The following FAM216B variants were observed in gnomAD, a reference collection of about 807,000 sequenced individuals.
FAM216B encodes the protein protein FAM216B.
FAM216B carries 11 observed loss-of-function variants against 12.9 expected under a neutral mutation model. The observed-to-expected ratio is 0.86, with a 90% CI of 0.54 to 1.42. The LOEUF (loss-of-function observed/expected upper bound fraction) is 1.42, where lower values mean the gene tolerates loss of function less well. Among genes scored for constraint, FAM216B ranks in the 40% most tolerant of loss-of-function variants. FAM216B has a pLI of 0.00. For missense variants in FAM216B, 167 were observed against 162.9 expected, an observed-to-expected ratio of 1.02 and a Z score of -0.14; for synonymous variants, 52 against 57.2, an observed-to-expected ratio of 0.91 and a Z score of 0.41.
rs769993048 is a variant in FAM216B, at chr13:42,784,107, G to A, written c.40G>A (p.Val14Ile). The change falls in exon 2 of 4, where the codon GTT (valine) becomes ATT (isoleucine). Residue 14 changes from valine to isoleucine, a missense_variant. By Grantham distance (29) the Val-to-Ile change is conservative. Coordinates refer to ENST00000313851, the MANE Select transcript of FAM216B (RefSeq NM_001318932.2). Reference protein sequence around the residue: ...NWKRQQKLWNVPQLPFIRVPP... With the variant: ...NWKRQQKLWNIPQLPFIRVPP... ...GAAAAGACAACAAAAGCTTTGGAATGTTCCACAACTTCCTTTTATTCGAGT... is the reference window on the plus strand; with the variant it reads ...GAAAAGACAACAAAAGCTTTGGAATATTCCACAACTTCCTTTTATTCGAGT... 7.0e-6 allele frequency: 11 copies of A among 1,574,392 alleles called. No homozygotes were observed. The highest frequency in any genetic ancestry group is 3.5e-5 in the Admixed American group (2 of 57,948).
At chr13:42,784,691 G>T (rs1021273221) in intron 2 of FAM216B, among the ~76,000 whole-genome samples, 3 of 141,846 alleles carry the variant, frequency 2.1e-5, no homozygotes, top group Admixed American at 7.1e-5. Context: ...AAAATTAGCC[G>T]GGCGTCGTGG....
intron 2 of FAM216B, among the ~76,000 whole-genome samples, chr13:42,785,157 C>T (rs1195808204): frequency 2.0e-5 from 3 of 152,142 alleles, no homozygotes; most frequent in African/African-American, 7.2e-5. Flanking sequence ...GAGTGGAATT[C>T]ATTCTCTTCA....
At chr13:42,782,084 T>C (rs967268860) in intron 1 of FAM216B, among the ~76,000 whole-genome samples, 1 of 152,216 alleles carries the variant, frequency 6.6e-6, no homozygotes, top group Non-Finnish European at 1.5e-5. Context: ...ATTTACAGTT[T>C]AATTTAGACA....
At chr13:42,782,179 T>C (rs1873880829) in intron 1 of FAM216B, among the ~76,000 whole-genome samples, 2 of 152,256 alleles carry the variant, frequency 1.3e-5, no homozygotes, top group African/African-American at 4.8e-5. Flanking sequence ...GAACCTTCGA[T>C]GTGTGAACTC....
chr13:42,786,871 C>A lies in FAM216B; in HGVS notation c.208C>A (p.Gln70Lys). 1.2e-6 allele frequency: 2 copies of A among 1,613,892 alleles called. No individual in the cohort carries two copies. The highest frequency in any genetic ancestry group is 8.5e-7 in the Non-Finnish European group (1 of 1,179,848). Residue 70 changes from glutamine (Q) to lysine (K), a missense_variant, in exon 3 of 4, where the codon CAA (glutamine) becomes AAA (lysine). Transcript: ENST00000313851. ...QTRYIHSLQH[Q>K]QLLGYITQRE... ...CCGCTACATTCACAGCCTTCAGCAC[C>A]AACAGCTGCTTGGTAAGTTTAACTA...
intron 2 of FAM216B, among the ~76,000 whole-genome samples, chr13:42,784,856 T>TAAA (rs1874023582): frequency 2.0e-5 from 3 of 146,892 alleles, no homozygotes; most frequent in Non-Finnish European, 3.0e-5. Flanking sequence ...AATAAATAAA[T>TAAA]TAAAAATAAA....
rs1325180152 is a variant in FAM216B, at chr13:42,786,793, T to G, written c.130T>G (p.Tyr44Asp). The G allele has an allele frequency of 6.2e-7, 1 of 1,614,078 alleles. No homozygotes were observed. The highest frequency in any genetic ancestry group is 8.5e-7 in the Non-Finnish European group (1 of 1,179,954). Residue 44 changes from tyrosine to aspartate, a missense_variant, in exon 3 of 4, where the codon TAC becomes GAC. Physicochemically the swap from Tyr to Asp is radical, Grantham distance 160. Coordinates refer to ENST00000313851, the MANE Select transcript of FAM216B (RefSeq NM_001318932.2). ...CAACCAAGGGCAACAGCGCTACTTT[T>G]ACAGCATTATGAGGATTTACAACTC... ...ALNQGQQRYF[Y>D]SIMRIYNSRP...
chr13:42,787,017 G>T, intron 3 of FAM216B, 134 bp downstream of exon 3: 20 of 1,339,922 alleles, frequency 1.5e-5, no homozygotes, highest in Non-Finnish European at 2.0e-5. Flanking sequence ...TAGCTGGTTA[G>T]CCAAGTTTCA....
chr13:42,786,313 T>A (rs1433163091), intron 2 of FAM216B, among the ~76,000 whole-genome samples: 2 of 150,460 alleles, frequency 1.3e-5, no homozygotes, highest in East Asian at 3.9e-4. Context: ...TCATGGCACC[T>A]TTTTACTAAT....
At position 42,790,566 on chromosome 13, in the gene FAM216B, G is replaced by A. The variant is rs577548020; in HGVS notation, c.*1776G>A. 1.3e-5 allele frequency: 2 copies of A among 152,200 alleles called. No homozygotes were observed. Among genetic ancestry groups the A allele is most frequent in the African/African-American group, 4.8e-5 (2 of 41,534 alleles). 9.4% of individuals were successfully genotyped at this position (152,200 alleles called of 1,614,324 possible). ...ATTTGTTGGTTCTCCCTTCTAAGATGATAATATGCCCCTGCACTTGAGACC... is the reference window on the plus strand; with the variant it reads ...ATTTGTTGGTTCTCCCTTCTAAGATAATAATATGCCCCTGCACTTGAGACC... On this transcript the variant is annotated 3_prime_UTR_variant, in exon 4 of 4. Transcript: ENST00000313851.
At chr13:42,784,289 A>T (rs1417306052) in intron 2 of FAM216B, 123 bp downstream of exon 2, 2 of 673,612 alleles carry the variant, frequency 3.0e-6, no homozygotes, top group Non-Finnish European at 2.4e-6. Flanking sequence ...TTGGCCGCAT[A>T]ATAAGCCCTT....
Position 42,783,682 on chromosome 13 carries a change from T to A in FAM216B, c.-14-372T>A, listed in dbSNP as rs937289582. Among the ~76,000 whole-genome samples, 3 of 152,216 alleles carry A rather than the reference T, an allele frequency of 2.0e-5. No homozygotes were observed. In the East Asian group the frequency reaches 5.8e-4, roughly 29 times the overall value. On this transcript the variant is annotated intron_variant, in intron 1 of 3. Transcript: ENST00000313851. ...TTTTTCCAAATCTTCCAAAACAATA[T>A]ATATTACTTTTAGAATCAGATATGA... is the stretch of plus-strand genomic sequence containing the variant.
intron 2 of FAM216B, among the ~76,000 whole-genome samples, chr13:42,785,137 A>G (rs1057210118): frequency 6.6e-6 from 1 of 152,210 alleles, no homozygotes; most frequent in African/African-American, 2.4e-5. Context: ...AGGCAAAATT[A>G]GTTATTCAGG....
rs1317832150 is a variant in FAM216B at position 42,790,979 on chromosome 13, C to A, written c.*2189C>A. On this transcript the variant is annotated 3_prime_UTR_variant, in exon 4 of 4. Transcript: ENST00000313851. Reference sequence around the variant, plus strand: ...ACCCACAATTGTTGATGAGGAGTAGCAGTAGAATATCAAGGACAGGTGATG... The same window carrying A: ...ACCCACAATTGTTGATGAGGAGTAGAAGTAGAATATCAAGGACAGGTGATG... 1 of 152,104 alleles carries A rather than the reference C, an allele frequency of 6.6e-6. No homozygotes were observed. The highest frequency in any genetic ancestry group is 1.9e-4 in the East Asian group (1 of 5,192). 9.4% of individuals were successfully genotyped at this position (152,104 alleles called of 1,614,324 possible).
intron 3 of FAM216B, among the ~76,000 whole-genome samples, chr13:42,787,196 C>T (rs1010247927): frequency 6.6e-6 from 1 of 152,230 alleles, no homozygotes; most frequent in Non-Finnish European, 1.5e-5. Context: ...GCTCAAAGCA[C>T]AGCTCAGCTC....
chr13:42,783,061 G>C (rs1201835144), intron 1 of FAM216B, among the ~76,000 whole-genome samples: 2 of 152,154 alleles, frequency 1.3e-5, no homozygotes, highest in South Asian at 4.1e-4. Flanking sequence ...TGTAATCCCA[G>C]CACTTTGGGA....
rs768288038 is a variant in FAM216B, at chr13:42,788,597, T to G, written c.227T>G (p.Ile76Ser). The G allele has an allele frequency of 7.4e-6, 12 of 1,611,790 alleles. No individual in the cohort carries two copies. Among genetic ancestry groups the G allele is most frequent in the Non-Finnish European group, 9.3e-6 (11 of 1,179,002 alleles). ...SLQHQQLLGY[I>S]TQREALSYAL... ...TCTCATTTCTTTCCCCTAGGCTATA[T>G]TACTCAACGGGAAGCCTTGTCTTAT... The change falls in exon 4 of 4, where the codon ATT becomes AGT. Residue 76 changes from isoleucine (I) to serine (S), a missense_variant. Coordinates refer to ENST00000313851, the MANE Select transcript of FAM216B (RefSeq NM_001318932.2).
Position 42,788,798 on chromosome 13 carries a change from C to T in FAM216B, c.*8C>T. ...CAAGTGCTCAGGAACTGAGACTTGG[C>T]AGCATTTTCAGAAACAGGAAGTTTG... is the stretch of plus-strand genomic sequence containing the variant. On this transcript the variant is annotated 3_prime_UTR_variant, in exon 4 of 4. Coordinates refer to ENST00000313851, the MANE Select transcript of FAM216B (RefSeq NM_001318932.2). 6.3e-7 allele frequency: 1 copy of T among 1,595,426 alleles called. No homozygotes were observed. The highest frequency in any genetic ancestry group is 8.5e-7 in the Non-Finnish European group (1 of 1,171,260).
rs921857245 is a variant in FAM216B at position 42,790,077 on chromosome 13, G to A, written c.*1287G>A. On this transcript the variant is annotated 3_prime_UTR_variant, in exon 4 of 4. Coordinates refer to ENST00000313851, the MANE Select transcript of FAM216B (RefSeq NM_001318932.2). ...CTGGGGTCATTCACTTAATCATAAAGAAGCTTCTTGACCTCTGCAAATTCT... is the reference window on the plus strand; with the variant it reads ...CTGGGGTCATTCACTTAATCATAAAAAAGCTTCTTGACCTCTGCAAATTCT... 2 of 152,130 alleles carry A rather than the reference G, an allele frequency of 1.3e-5. No individual in the cohort carries two copies. The highest frequency in any genetic ancestry group is 4.8e-5 in the African/African-American group (2 of 41,432). The allele number at this position is 152,130 out of a possible 1,614,324, so 9.4% of individuals were successfully genotyped here.
Sources: gnomAD v4.1 joint callset for allele counts (sites outside exome capture counted in the v4.1 genomes callset) on GRCh38, gnomAD v4.1.1 for gene constraint, MANE v1.5 for transcripts, NCBI Gene and HGNC (gene_info 2026-07-23, HGNC 2026-07-21) for gene names.